The following DLGAP1 variants were observed in gnomAD, a reference collection of about 807,000 sequenced individuals.
DLGAP1 encodes disks large-associated protein 1.
In DLGAP1, 11 loss-of-function variants were observed where a neutral mutation model predicts 90.8. The observed-to-expected ratio is 0.12, with a 90% CI of 0.08 to 0.20. The LOEUF is 0.20. Among genes scored for constraint, DLGAP1 ranks in the 10% least tolerant of loss-of-function variants. DLGAP1 has a pLI of 1.00. For missense variants in DLGAP1, 1,050 were observed against 1,333.8 expected (o/e 0.79, Z 3.31); for synonymous variants, 558 against 540.7 (o/e 1.03, Z -0.44).
chr18:3,753,443 T>C (rs2063583912), intron 5 of DLGAP1, among the ~76,000 whole-genome samples: 1 of 152,206 alleles, frequency 6.6e-6, no homozygotes, highest in Non-Finnish European at 1.5e-5. Context: ...TTTGATCTGA[T>C]TGGAAGCTCT....
At chr18:4,291,153 G>C (rs1055984503) in intron 1 of DLGAP1, among the ~76,000 whole-genome samples, 1 of 152,198 alleles carries the variant, frequency 6.6e-6, no homozygotes, top group African/African-American at 2.4e-5. Flanking sequence ...TGGTATTTAT[G>C]ATGACATCTG....
At chr18:4,364,420 TAAAA>T (rs1229367890) in intron 1 of DLGAP1, among the ~76,000 whole-genome samples, 3 of 151,470 alleles carry the variant, frequency 2.0e-5, no homozygotes, top group African/African-American at 2.4e-5. Context: ...AATAAAGTAA[TAAAA>T]AAAAGATTTT....
chr18:4,259,409 T>C (rs1172970443), intron 1 of DLGAP1, among the ~76,000 whole-genome samples: 1 of 152,216 alleles, frequency 6.6e-6, no homozygotes, highest in Admixed American at 6.5e-5. Context: ...CATACACAGA[T>C]TGGATACTCT....
At chr18:4,393,652 A>G (rs2082381681) in intron 1 of DLGAP1, among the ~76,000 whole-genome samples, 1 of 152,200 alleles carries the variant, frequency 6.6e-6, no homozygotes, top group Non-Finnish European at 1.5e-5. Flanking sequence ...CTGCTGGCAC[A>G]TGAACTCTAC....
intron 3 of DLGAP1, among the ~76,000 whole-genome samples, chr18:3,991,894 C>G (rs1190682706): frequency 6.6e-6 from 1 of 152,112 alleles, no homozygotes; most frequent in Non-Finnish European, 1.5e-5. Flanking sequence ...CTTTCTTTAT[C>G]GAAGACCACG....
At chr18:3,734,870 T>C in intron 6 of DLGAP1, among the ~76,000 whole-genome samples, 1 of 152,230 alleles carries the variant, frequency 6.6e-6, no homozygotes, top group East Asian at 1.9e-4. Context: ...TTTAACTTTA[T>C]CATATATTTT....
At chr18:3,714,778 G>T (rs957008855) in intron 7 of DLGAP1, among the ~76,000 whole-genome samples, 1 of 151,390 alleles carries the variant, frequency 6.6e-6, no homozygotes, top group African/African-American at 2.4e-5. Flanking sequence ...GGGATTATAG[G>T]CACGTGCCAC....
At chr18:4,404,146 T>C (rs781087018) in intron 1 of DLGAP1, among the ~76,000 whole-genome samples, 2 of 152,196 alleles carry the variant, frequency 1.3e-5, no homozygotes, top group Non-Finnish European at 2.9e-5. Context: ...GTGATAAAAA[T>C]GTTCCTTATC....
chr18:4,411,107 C>G (rs2082767706), intron 1 of DLGAP1, among the ~76,000 whole-genome samples: 1 of 152,206 alleles, frequency 6.6e-6, no homozygotes, highest in Admixed American at 6.5e-5. Context: ...CTCCCTCTGA[C>G]CAACCTACTT....
At chr18:4,021,796 C>T (rs1030394943) in intron 2 of DLGAP1, among the ~76,000 whole-genome samples, 1 of 151,894 alleles carries the variant, frequency 6.6e-6, no homozygotes, top group Non-Finnish European at 1.5e-5. Flanking sequence ...ATAGGGATTC[C>T]CCGTGTTGGT....
At chr18:3,513,588 T>C (rs1599001959) in intron 10 of DLGAP1, among the ~76,000 whole-genome samples, 1 of 152,322 alleles carries the variant, frequency 6.6e-6, no homozygotes, top group South Asian at 2.1e-4. Context: ...AGCACATCCA[T>C]CTACCTGAAG....
chr18:3,827,600 T>A (rs1461218968), intron 4 of DLGAP1, among the ~76,000 whole-genome samples: 1 of 152,210 alleles, frequency 6.6e-6, no homozygotes, highest in Non-Finnish European at 1.5e-5. Flanking sequence ...TCTTTTTCTC[T>A]CTCTCTCTAC....
intron 5 of DLGAP1, among the ~76,000 whole-genome samples, chr18:3,795,128 C>G (rs1345062628): frequency 6.6e-6 from 1 of 152,174 alleles, no homozygotes; most frequent in Non-Finnish European, 1.5e-5. Context: ...ATAACTCATT[C>G]TAGCCAGGAT....
intron 6 of DLGAP1, among the ~76,000 whole-genome samples, chr18:3,731,979 C>T (rs1256397293): frequency 1.3e-5 from 2 of 152,114 alleles, no homozygotes; most frequent in Non-Finnish European, 2.9e-5. Flanking sequence ...TTGTGCATTT[C>T]TTTATGTTTT....
At chr18:4,115,477 C>CCTTTCTTTCTTTCTTTCTTTCTTT (rs71368730) in intron 2 of DLGAP1, among the ~76,000 whole-genome samples, 2 of 145,364 alleles carry the variant, frequency 1.4e-5, no homozygotes, top group African/African-American at 5.6e-5. Flanking sequence ...TCATTTTCTT[C>CCTTTCTTTCTTTCTTTCTTTCTTT]CTTTCTTTCT....
At position 3,879,997 on chromosome 18, in the gene DLGAP1, C is replaced by G. The variant is rs751387476; in HGVS notation, c.72G>C (p.Ser24=). The change falls in exon 4 of 13, where the codon TCG becomes TCC. Residue 24 remains serine (S), a synonymous_variant. Coordinates refer to ENST00000315677, the MANE Select transcript of DLGAP1 (RefSeq NM_004746.4). The surrounding 1 kb of genome is among the most constrained non-coding windows in gnomAD (Gnocchi z 6.6). The stretch of plus-strand genomic sequence containing the variant: ...GGTAGGGCTTGCGGTCGGAGTGGTG[C>G]GACAGCGAGTCACAGGCCGAGTCGC... ...VTCDSACDSL[S]HHSDRKPYLL... is the part of the protein sequence containing the mutation. The G allele has an allele frequency of 6.2e-7, 1 of 1,611,086 alleles. No homozygotes were observed. The highest frequency in any genetic ancestry group is 1.7e-5 in the Admixed American group (1 of 60,022).
chr18:4,235,786 C>T (rs1210425141), intron 1 of DLGAP1, among the ~76,000 whole-genome samples: 2 of 124,006 alleles, frequency 1.6e-5, no homozygotes, highest in African/African-American at 6.1e-5. Context: ...AGTGCAGTGG[C>T]ATGATCTTGG....
At chr18:4,341,564 C>G (rs552994552) in intron 1 of DLGAP1, among the ~76,000 whole-genome samples, 2 of 152,234 alleles carry the variant, frequency 1.3e-5, no homozygotes, top group Non-Finnish European at 2.9e-5. Flanking sequence ...CAGGACCTAC[C>G]CTGGGGTACA....
At chr18:3,735,997 C>T (rs991483108) in intron 6 of DLGAP1, among the ~76,000 whole-genome samples, 1 of 152,056 alleles carries the variant, frequency 6.6e-6, no homozygotes, top group Admixed American at 6.6e-5. Context: ...CATGCACACA[C>T]ACACACATAA....
Sources: allele counts gnomAD v4.1 joint callset (sites outside exome capture counted in the v4.1 genomes callset), GRCh38; gene constraint gnomAD v4.1.1; non-coding constraint Gnocchi (gnomAD v3.1); transcripts MANE v1.5; gene names NCBI Gene and HGNC (gene_info 2026-07-23, HGNC 2026-07-21).